The following TP73 variants were observed in gnomAD, a reference collection of about 807,000 sequenced individuals.
The protein encoded by TP73 is p53-like transcription factor.
TP73 carries 25 observed loss-of-function variants against 62.5 expected under a neutral mutation model. That is an observed-to-expected ratio of 0.40 (90% CI 0.29 to 0.56). TP73 has a LOEUF of 0.56. Ranked by LOEUF, TP73 falls within the 20% of genes least tolerant of loss-of-function variation. The pLI is 0.46. For synonymous variants in TP73, 423 were observed against 377.5 expected, an observed-to-expected ratio of 1.12 and a Z score of -1.40; for missense variants, 754 against 913.3, an observed-to-expected ratio of 0.83 and a Z score of 2.25.
intron 7 of TP73, 77 bp from the exon 8 acceptor site, chr1:3,727,551 C>CGAGGT: frequency 6.5e-7 from 1 of 1,540,686 alleles, no homozygotes; most frequent in Non-Finnish European, 8.7e-7. Context: ...CTGCAGGGTC[C>CGAGGT]GAGGTGGGTG....
At chr1:3,692,527 C>G (rs959734993) in intron 3 of TP73, among the ~76,000 whole-genome samples, 1 of 152,218 alleles carries the variant, frequency 6.6e-6, no homozygotes, top group Non-Finnish European at 1.5e-5. Context: ...TCCACCAACA[C>G]GTTGCTATTA....
chr1:3,729,423 C>A lies in TP73; in HGVS notation c.1171C>A (p.Gln391Lys). ...GCAGCCACTGGTGGACTCCTATCGG[C>A]AGCAGCAGCAGCTCCTACAGAGGCC... ...VPQPLVDSYR[Q>K]QQQLLQRPSH... is the part of the protein sequence containing the mutation. The change falls in exon 10 of 14, where the codon CAG (glutamine) becomes AAG (lysine). Residue 391 changes from glutamine to lysine, a missense_variant. Around this residue, in one of 3 missense-constraint regions of TP73, gnomAD observed 458 missense variants for 528.7 expected, o/e 0.87. Transcript: ENST00000378295. The A allele has an allele frequency of 2.5e-6, 4 of 1,612,410 alleles. No homozygotes were observed. The highest frequency in any genetic ancestry group is 3.4e-6 in the Non-Finnish European group (4 of 1,179,748).
At position 3,683,234 on chromosome 1, in the gene TP73, G is replaced by A. The variant is rs1309161399; in HGVS notation, c.186+54G>A. On this transcript the variant is annotated intron_variant, in intron 3 of 13. Transcript: ENST00000378295. ...GGACTGGAGTGGGGACAACAAATGT[G>A]GCCTGTCCTGTCTTGGGAGCCTGGC... is the stretch of plus-strand genomic sequence containing the variant. The A allele has an allele frequency of 3.2e-6, 5 of 1,551,500 alleles. 1 individual carries two copies. In the Admixed American group the frequency reaches 5.2e-5, roughly 16 times the overall value.
intron 3 of TP73, among the ~76,000 whole-genome samples, chr1:3,702,781 C>T (rs1183488924): frequency 6.6e-6 from 1 of 152,216 alleles, no homozygotes. Context: ...GCGGGCCGGG[C>T]GTGTCCTAAT....
intron 3 of TP73, among the ~76,000 whole-genome samples, chr1:3,703,154 G>T (rs1013805031): frequency 2.6e-5 from 4 of 152,232 alleles, no homozygotes; most frequent in African/African-American, 7.2e-5. Flanking sequence ...AACTGCAGCT[G>T]CAAAGCCTCT....
At chr1:3,693,550 T>C (rs1368628675) in intron 3 of TP73, among the ~76,000 whole-genome samples, 1 of 152,160 alleles carries the variant, frequency 6.6e-6, no homozygotes, top group Non-Finnish European at 1.5e-5. Context: ...TCTCTGAGCC[T>C]CAGTCTCCTC....
chr1:3,702,074 C>T (rs1639218599), intron 3 of TP73, among the ~76,000 whole-genome samples: 1 of 152,238 alleles, frequency 6.6e-6, no homozygotes, highest in Admixed American at 6.5e-5. Flanking sequence ...CCCTGGCCAC[C>T]ACTTCCTGCC....
intron 3 of TP73, among the ~76,000 whole-genome samples, chr1:3,697,167 C>T (rs1638738575): frequency 9.3e-6 from 1 of 107,650 alleles, no homozygotes. Flanking sequence ...CTCGCACCCG[C>T]GGCCCACGTC....
chr1:3,663,070 T>C lies in TP73; in HGVS notation c.-34+10429T>C, dbSNP rs965680048. Among the ~76,000 whole-genome samples the C allele has an allele frequency of 3.5e-4, 54 of 152,170 alleles. No homozygotes were observed. The highest frequency in any genetic ancestry group is 1.3e-3 in the African/African-American group (52 of 41,438). ...ATCATTATCTGGAAACAGTGATCAC[T>C]GTCCCATTCACAGATGGGGAGGCTG... On this transcript the variant is annotated intron_variant, in intron 1 of 13. Transcript: ENST00000378295. The surrounding 1 kb of genome is among the most constrained non-coding windows in gnomAD (Gnocchi z 4.7).
At chr1:3,714,279 GC>G (rs1393161543) in intron 4 of TP73, 1 of 152,256 alleles carries the variant, frequency 6.6e-6, no homozygotes, top group African/African-American at 2.4e-5. Flanking sequence ...GCCAATTCCA[GC>G]CCCCAAGGCT....
chr1:3,700,365 G>T (rs188170224), intron 3 of TP73, among the ~76,000 whole-genome samples: 2 of 152,292 alleles, frequency 1.3e-5, no homozygotes, highest in Non-Finnish European at 2.9e-5. Flanking sequence ...TGGCACGGTC[G>T]TGACCTCCCA....
intron 4 of TP73, among the ~76,000 whole-genome samples, chr1:3,717,507 AAC>A (rs1640706334): frequency 6.6e-6 from 1 of 152,232 alleles, no homozygotes; most frequent in Admixed American, 6.5e-5. Context: ...AATCTGTTGA[AAC>A]ACATCCATCT....
In TP73 at chr1:3,729,395, G is replaced by A. The variant is rs770513761; in HGVS notation, c.1143G>A (p.Val381=). Residue 381 remains valine, a synonymous_variant, in exon 10 of 14, where the codon GTG becomes GTA. Coordinates refer to ENST00000378295, the MANE Select transcript of TP73 (RefSeq NM_005427.4). ...LKESLELMEL[V]PQPLVDSYRQ... is the part of the protein sequence containing the mutation. ...AGAGCCTGGAGCTGATGGAGTTGGT[G>A]CCGCAGCCACTGGTGGACTCCTATC... 15 of 1,613,024 alleles carry A rather than the reference G, an allele frequency of 9.3e-6. No individual in the cohort carries two copies. Among genetic ancestry groups the A allele is most frequent in the Non-Finnish European group, 1.1e-5 (13 of 1,180,012 alleles).
chr1:3,707,419 A>C, intron 3 of TP73, 130 bp from the exon 4 acceptor site: 19 of 1,284,510 alleles, frequency 1.5e-5, no homozygotes, highest in Non-Finnish European at 1.8e-5. Flanking sequence ...TGGGGGAGAG[A>C]CCCGGGGAAA....
intron 1 of TP73, among the ~76,000 whole-genome samples, chr1:3,677,690 C>CTTT (rs1196146698): frequency 1.5e-5 from 2 of 137,270 alleles, no homozygotes; most frequent in Admixed American, 7.1e-5. Flanking sequence ...CCTTCCTTCC[C>CTTT]TTTTTTTTTT....
At chr1:3,673,424 C>T (rs1280892467) in intron 1 of TP73, among the ~76,000 whole-genome samples, 3 of 152,294 alleles carry the variant, frequency 2.0e-5, no homozygotes, top group East Asian at 3.9e-4. Context: ...GTTTATGGGG[C>T]ATCCACGGTG....
intron 1 of TP73, among the ~76,000 whole-genome samples, chr1:3,679,893 GTC>G (rs916260868): frequency 2.1e-5 from 3 of 143,622 alleles, no homozygotes; most frequent in Middle Eastern, 4.2e-3. Flanking sequence ...GTCTCTCTCC[GTC>G]TCTCTGTCTC....
At chr1:3,715,105 G>A (rs1238641993) in intron 4 of TP73, among the ~76,000 whole-genome samples, 1 of 152,188 alleles carries the variant, frequency 6.6e-6, no homozygotes, top group Non-Finnish European at 1.5e-5. Context: ...ATCCCAGCCA[G>A]ACACAAGGCA....
At chr1:3,681,604 G>T (rs1326885334) in intron 1 of TP73, among the ~76,000 whole-genome samples, 1 of 152,164 alleles carries the variant, frequency 6.6e-6, no homozygotes, top group African/African-American at 2.4e-5. Flanking sequence ...TCCCAGCCTT[G>T]CCAGGCTTCC....
Sources: gnomAD v4.1 joint callset for allele counts (sites outside exome capture counted in the v4.1 genomes callset) on GRCh38, gnomAD v4.1.1 for gene constraint, gnomAD v4.1.1 regional missense constraint, Gnocchi (gnomAD v3.1) non-coding constraint, MANE v1.5 for transcripts, NCBI Gene and HGNC (gene_info 2026-07-23, HGNC 2026-07-21) for gene names.